TOX2: variants seen among roughly 807,000 people sequenced by gnomAD.
TOX2 encodes the protein TOX high mobility group box family member 2, also known as granulosa cell HMG box 1.
Under a neutral mutation model 47.4 loss-of-function variants are expected in TOX2, and 15 were observed. That is an observed-to-expected ratio of 0.32 (90% CI 0.21 to 0.49). TOX2 has a LOEUF of 0.49. TOX2 is among the 20% of genes least tolerant of loss of function. The probability of loss-of-function intolerance (pLI) is 0.99; values close to 1 mark genes in which losing one functional copy is unlikely to be tolerated. For missense variants in TOX2, 622 were observed against 673.1 expected, an observed-to-expected ratio of 0.92 and a Z score of 0.84; for synonymous variants, 290 against 296.6, an observed-to-expected ratio of 0.98 and a Z score of 0.23.
At chr20:43,934,797 T>TG (rs2069302693) in intron 1 of TOX2, among the ~76,000 whole-genome samples, 2 of 135,624 alleles carry the variant, frequency 1.5e-5, no homozygotes, top group South Asian at 2.6e-4. Context: ...TGTGTGTGTG[T>TG]TTGTGTGTGT....
At chr20:44,007,319 G>A (rs1420898126) in intron 3 of TOX2, 1 of 158,668 alleles carries the variant, frequency 6.3e-6, no homozygotes, top group Admixed American at 6.0e-5. Context: ...CTTGAGCCCA[G>A]GAGTCCTGGG....
In TOX2 at chr20:44,018,879, A is replaced by G. The variant is rs1020899200; in HGVS notation, c.411+12087A>G. The stretch of plus-strand genomic sequence containing the variant: ...GGCAGCTGCTTGCCCAAGCAGTAGC[A>G]CTTAACTGGGAGTCTGGGGTCCTGG... On this transcript the variant is annotated intron_variant, in intron 3 of 8. Transcript: ENST00000341197. Among the ~76,000 whole-genome samples the G allele has an allele frequency of 2.6e-5, 4 of 152,140 alleles. 1 individual carries two copies. In the South Asian group the frequency reaches 6.2e-4, roughly 24 times the overall value.
chr20:44,024,808 C>T (rs2071034133), intron 3 of TOX2, among the ~76,000 whole-genome samples: 1 of 149,144 alleles, frequency 6.7e-6, no homozygotes, highest in African/African-American at 2.6e-5. Context: ...ATACAATATA[C>T]AAAGATATAC....
chr20:44,021,207 G>A (rs1169783340), intron 3 of TOX2, among the ~76,000 whole-genome samples: 1 of 152,130 alleles, frequency 6.6e-6, no homozygotes, highest in Admixed American at 6.5e-5. Flanking sequence ...GCTTATGGGG[G>A]AGAGGGGTGT....
Position 43,992,238 on chromosome 20 carries a change from G to A in TOX2, c.166-14309G>A, listed in dbSNP as rs2070380822. Among the ~76,000 whole-genome samples, 3 of 152,204 alleles carry A rather than the reference G, an allele frequency of 2.0e-5. 1 individual carries two copies. Among genetic ancestry groups the A allele is most frequent in the South Asian group, 2.1e-4 (1 of 4,836 alleles). On this transcript the variant is annotated intron_variant, in intron 2 of 8. Coordinates refer to ENST00000341197, the MANE Select transcript of TOX2 (RefSeq NM_001098797.2). ...GGAGGCAGTGAGGTGGAAGAACTGG[G>A]AGACTTATCTGATCGACGGCTGGGA...
chr20:43,938,207 A>G (rs951565550), intron 1 of TOX2, among the ~76,000 whole-genome samples: 1 of 152,176 alleles, frequency 6.6e-6, no homozygotes, highest in African/African-American at 2.4e-5. Flanking sequence ...AACCATGGCA[A>G]CCGGGATATG....
chr20:44,065,073 A>T (rs2071788931), intron 6 of TOX2, among the ~76,000 whole-genome samples: 1 of 152,210 alleles, frequency 6.6e-6, no homozygotes, highest in Non-Finnish European at 1.5e-5. Context: ...AGAACCCAGC[A>T]CCCAGAGGGG....
At chr20:43,989,781 G>GA (rs35693609) in intron 2 of TOX2, among the ~76,000 whole-genome samples, 5,274 of 113,040 alleles carry the variant, frequency 0.047, 104 homozygotes, top group African/African-American at 0.062. Flanking sequence ...CTCTGTCTCA[G>GA]AAAAAAAAAA....
At chr20:43,930,094 A>G (rs2069233916) in intron 1 of TOX2, among the ~76,000 whole-genome samples, 1 of 152,228 alleles carries the variant, frequency 6.6e-6, no homozygotes, top group Admixed American at 6.5e-5. Flanking sequence ...TTAAGAAGCA[A>G]TAGGCTCATG....
intron 5 of TOX2, 54 bp from the exon 6 acceptor site, chr20:44,064,723 G>A (rs1176519746): frequency 5.8e-6 from 9 of 1,559,300 alleles, no homozygotes; most frequent in African/African-American, 4.1e-5. Context: ...GACCCTGCAC[G>A]GCATCTCCTC....
In TOX2 at chr20:43,915,918, G is replaced by A. The variant is rs1262888811; in HGVS notation, c.99+928G>A. ...GCCGGGCGCATTCCCAGTGATGGAG[G>A]CTTGCGTGCCTGGAACCCCGAACCC... On this transcript the variant is annotated intron_variant, in intron 1 of 8. Transcript: ENST00000341197. This position sits in a 1 kb window ranked among gnomAD's most constrained non-coding sequence, Gnocchi z 7.1. Among the ~76,000 whole-genome samples, 2 of 152,364 alleles carry A rather than the reference G, an allele frequency of 1.3e-5. No individual in the cohort carries two copies. Among genetic ancestry groups the A allele is most frequent in the Non-Finnish European group, 2.9e-5 (2 of 68,036 alleles).
rs375087049 is a variant in TOX2, at chr20:43,973,382, G to A, written c.115G>A (p.Ala39Thr). The change falls in exon 2 of 9, where the codon GCC becomes ACC. Residue 39 changes from alanine (A) to threonine (T), a missense_variant. Ala to Thr is a moderately conservative substitution (Grantham distance 58). Around this residue, in one of 3 missense-constraint regions of TOX2, gnomAD observed 307 missense variants for 327.3 expected, o/e 0.94. Transcript: ENST00000341197. ...YHGGKFDGDSAYVGMSDGNPE... is the reference protein window; with the variant it reads ...YHGGKFDGDSTYVGMSDGNPE... ...TCTATTCTAGTTTGATGGTGACAGT[G>A]CCTACGTGGGGATGAGTGACGGAAA... 6.2e-7 allele frequency: 1 copy of A among 1,614,132 alleles called. No individual in the cohort carries two copies. Among genetic ancestry groups the A allele is most frequent in the African/African-American group, 1.3e-5 (1 of 75,044 alleles).
chr20:44,061,488 T>C (rs1170860505), intron 5 of TOX2, among the ~76,000 whole-genome samples: 1 of 151,166 alleles, frequency 6.6e-6, no homozygotes, highest in African/African-American at 2.4e-5. Flanking sequence ...AAAAGCCATC[T>C]ATGATAAACC....
Position 44,051,208 on chromosome 20 carries a change from TCTC to T in TOX2, c.412-94_412-92del, listed in dbSNP as rs936354463. On this transcript the variant is annotated intron_variant, in intron 3 of 8. Transcript: ENST00000341197. ...CGGAGCAGGAGCCGCACCCATCACT[TCTC>T]CTCTGCATTCCCTCCTCTAAGTCCG... is the stretch of plus-strand genomic sequence containing the variant. The T allele has an allele frequency of 1.7e-5, 25 of 1,495,102 alleles. No homozygotes were observed. The African/African-American group carries it at 2.1e-4, about 13-fold the overall frequency. 92.6% of individuals were successfully genotyped at this position (1,495,102 alleles called of 1,614,324 possible).
In TOX2 at chr20:44,069,014, G is replaced by A. The variant is rs2071890110; in HGVS notation, c.*328G>A. On this transcript the variant is annotated 3_prime_UTR_variant, in exon 9 of 9. Coordinates refer to ENST00000341197, the MANE Select transcript of TOX2 (RefSeq NM_001098797.2). The stretch of plus-strand genomic sequence containing the variant: ...CCCCAGCTCCAGCCCCAGCCCAGGT[G>A]GGCCGCCCCTGGCGGGGTCGCTTAC... The A allele has an allele frequency of 4.2e-6, 2 of 473,132 alleles. No homozygotes were observed. The highest frequency in any genetic ancestry group is 3.6e-5 in the South Asian group (2 of 55,158). The allele number at this position is 473,132 out of a possible 1,614,324, so 29.3% of individuals were successfully genotyped here.
intron 8 of TOX2, among the ~76,000 whole-genome samples, chr20:44,067,611 T>G (rs6031335): frequency 0.028 from 4,327 of 152,174 alleles, 201 homozygotes; most frequent in African/African-American, 0.099. Context: ...AGTCCTCCTG[T>G]GGGCCTCCTG....
chr20:43,930,634 T>G (rs554650674), intron 1 of TOX2, among the ~76,000 whole-genome samples: 1 of 152,168 alleles, frequency 6.6e-6, no homozygotes, highest in Non-Finnish European at 1.5e-5. Context: ...TGGGGCACAG[T>G]TGGCCTGGCC....
chr20:44,013,357 C>T (rs1224214137), intron 3 of TOX2, among the ~76,000 whole-genome samples: 1 of 152,220 alleles, frequency 6.6e-6, no homozygotes, highest in Non-Finnish European at 1.5e-5. Context: ...CCACTTTCCT[C>T]CTCCCTGCAG....
intron 2 of TOX2, among the ~76,000 whole-genome samples, chr20:43,991,743 A>G (rs893812324): frequency 6.6e-6 from 1 of 151,846 alleles, no homozygotes; most frequent in Non-Finnish European, 1.5e-5. Context: ...TCCCAGGTTC[A>G]AGCAATTCTG....
Sources: gnomAD v4.1 joint callset for allele counts (sites outside exome capture counted in the v4.1 genomes callset) on GRCh38, gnomAD v4.1.1 for gene constraint, gnomAD v4.1.1 regional missense constraint, Gnocchi (gnomAD v3.1) non-coding constraint, MANE v1.5 for transcripts, NCBI Gene and HGNC (gene_info 2026-07-23, HGNC 2026-07-21) for gene names.